DPYS: variants seen among roughly 807,000 people sequenced by gnomAD.
DPYS encodes the protein dihydropyrimidine amidohydrolase.
In DPYS, 39 loss-of-function variants were observed where a neutral mutation model predicts 50.3. The ratio of observed to expected loss-of-function variants is 0.78; its 90% CI spans 0.60 to 1.01. The LOEUF is 1.01. Ranked by LOEUF, DPYS falls within the 50% of genes least tolerant of loss-of-function variation. The pLI, the probability that DPYS is intolerant of heterozygous loss-of-function variation, is 0.00. For synonymous variants in DPYS, 245 were observed against 250.7 expected (o/e 0.98, Z 0.22); for missense variants, 659 against 680.9 (o/e 0.97, Z 0.36).
chr8:104,452,608 G>C (rs981010500), intron 1 of DPYS, among the ~76,000 whole-genome samples: 2 of 152,230 alleles, frequency 1.3e-5, no homozygotes, highest in Non-Finnish European at 2.9e-5. Flanking sequence ...CTAGGAGGCT[G>C]AGACGGGAGG....
At chr8:104,392,049 G>T (rs1216667166) in intron 8 of DPYS, among the ~76,000 whole-genome samples, 2 of 152,202 alleles carry the variant, frequency 1.3e-5, no homozygotes, top group African/African-American at 4.8e-5. Flanking sequence ...GCTAGGAAAT[G>T]GTGGCGAGGG....
At chr8:104,387,373 T>C (rs1811245719) in intron 8 of DPYS, among the ~76,000 whole-genome samples, 1 of 151,570 alleles carries the variant, frequency 6.6e-6, no homozygotes, top group African/African-American at 2.4e-5. Context: ...ACAAACAAAA[T>C]GCTGTGAGCT....
chr8:104,436,112 G>A (rs981958044), intron 4 of DPYS, among the ~76,000 whole-genome samples: 6 of 152,122 alleles, frequency 3.9e-5, no homozygotes, highest in Non-Finnish European at 7.4e-5. Context: ...TTAAACTGAA[G>A]CTGTCCAGTG....
At chr8:104,385,808 G>C (rs920808954) in intron 8 of DPYS, among the ~76,000 whole-genome samples, 6 of 152,130 alleles carry the variant, frequency 3.9e-5, no homozygotes, top group Non-Finnish European at 8.8e-5. Context: ...TTGCCCTTCT[G>C]CCATGTGATG....
chr8:104,426,655 G>A (rs1384529643), intron 6 of DPYS, among the ~76,000 whole-genome samples: 1 of 152,212 alleles, frequency 6.6e-6, no homozygotes, highest in Non-Finnish European at 1.5e-5. Context: ...CATCCTAGGA[G>A]ATGGGTGAAA....
intron 5 of DPYS, among the ~76,000 whole-genome samples, chr8:104,428,962 C>G (rs1416044277): frequency 6.6e-6 from 1 of 151,928 alleles, no homozygotes; most frequent in Non-Finnish European, 1.5e-5. Flanking sequence ...TCCCGAGTAA[C>G]TGGGATTACA....
At chr8:104,425,404 C>CA (rs1480863017) in intron 6 of DPYS, among the ~76,000 whole-genome samples, 1 of 151,806 alleles carries the variant, frequency 6.6e-6, no homozygotes, top group African/African-American at 2.4e-5. Flanking sequence ...CTTTTAATGG[C>CA]AAAAACTGCA....
intron 4 of DPYS, among the ~76,000 whole-genome samples, chr8:104,436,707 A>G (rs1469360173): frequency 6.6e-6 from 1 of 152,190 alleles, no homozygotes; most frequent in Non-Finnish European, 1.5e-5. Context: ...TTAAATTAAG[A>G]AGATAAGCTG....
At chr8:104,442,612 T>G (rs1398700954) in intron 4 of DPYS, among the ~76,000 whole-genome samples, 2 of 152,202 alleles carry the variant, frequency 1.3e-5, no homozygotes, top group Non-Finnish European at 2.9e-5. Flanking sequence ...AATGGTTGGT[T>G]AGTAAGATAT....
Position 104,381,246 on chromosome 8 carries a change from C to A in DPYS, c.1512G>T (p.Val504=). The A allele has an allele frequency of 6.2e-7, 1 of 1,614,148 alleles. No individual in the cohort carries two copies. Among genetic ancestry groups the A allele is most frequent in the South Asian group, 1.1e-5 (1 of 91,076 alleles). Residue 504 remains valine (V), a synonymous_variant, in exon 9 of 10, where the codon GTG becomes GTT. Coordinates refer to ENST00000351513, the MANE Select transcript of DPYS (RefSeq NM_001385.3). ...TCCCTGCTGTGGCATCTTCTTTTGT[C>A]ACTCTGGATTTCAGTGTGGCGACTT... is the stretch of plus-strand genomic sequence containing the variant. The part of the protein sequence containing the change: ...KGEVATLKSR[V]TKEDATAGTR...
intron 4 of DPYS, among the ~76,000 whole-genome samples, chr8:104,440,473 T>G (rs1813311888): frequency 1.3e-5 from 2 of 152,162 alleles, no homozygotes; most frequent in Non-Finnish European, 1.5e-5. Context: ...TCAAGGCCCT[T>G]GAAGACAGAA....
chr8:104,413,579 C>T (rs1476521551), intron 7 of DPYS, among the ~76,000 whole-genome samples: 3 of 151,964 alleles, frequency 2.0e-5, no homozygotes, highest in African/African-American at 7.3e-5. Flanking sequence ...AGACTTAAAA[C>T]ACAGAAACCA....
At chr8:104,441,627 G>C (rs1428750606) in intron 4 of DPYS, among the ~76,000 whole-genome samples, 1 of 152,220 alleles carries the variant, frequency 6.6e-6, no homozygotes, top group Non-Finnish European at 1.5e-5. Context: ...AGTAATTGGA[G>C]GGGCCTGGCA....
intron 2 of DPYS, among the ~76,000 whole-genome samples, chr8:104,449,519 A>G (rs1813657883): frequency 1.3e-5 from 2 of 152,216 alleles, no homozygotes; most frequent in South Asian, 2.1e-4. Flanking sequence ...ACCTACTGCT[A>G]TGGGTTGACT....
intron 1 of DPYS, among the ~76,000 whole-genome samples, chr8:104,461,162 G>A (rs1849444): frequency 0.29 from 43,435 of 149,782 alleles, 6,427 homozygotes; most frequent in Middle Eastern, 0.39. Context: ...GCATGGTGGC[G>A]TGCACCTGCA....
At chr8:104,409,481 A>G (rs898357690) in intron 7 of DPYS, among the ~76,000 whole-genome samples, 1 of 152,128 alleles carries the variant, frequency 6.6e-6, no homozygotes, top group Non-Finnish European at 1.5e-5. Context: ...AAATAAATTA[A>G]TTAATTAAAT....
At chr8:104,440,642 C>G (rs1206782830) in intron 4 of DPYS, among the ~76,000 whole-genome samples, 3 of 151,962 alleles carry the variant, frequency 2.0e-5, no homozygotes, top group Admixed American at 2.0e-4. Flanking sequence ...GCCTGTAATC[C>G]CAGCTACTCG....
chr8:104,390,586 C>T (rs1222999782), intron 8 of DPYS, among the ~76,000 whole-genome samples: 1 of 151,932 alleles, frequency 6.6e-6, no homozygotes, highest in African/African-American at 2.4e-5. Context: ...CAACCTCCAC[C>T]TCCCAGGTTC....
chr8:104,429,244 A>G lies in DPYS; in HGVS notation c.950+301T>C, dbSNP rs145296882. On this transcript the variant is annotated intron_variant, in intron 5 of 9. Coordinates refer to ENST00000351513, the MANE Select transcript of DPYS (RefSeq NM_001385.3). Reference sequence around the variant, plus strand: ...AAAAAATTCAACAATATTCTGATAAAAAGTAAGGTGTAATGAAGAGCCCTG... The same window carrying G: ...AAAAAATTCAACAATATTCTGATAAGAAGTAAGGTGTAATGAAGAGCCCTG... 1.2e-3 allele frequency: 437 copies of G among 370,736 alleles called. 2 individuals carry two copies. Among genetic ancestry groups the G allele is most frequent in the African/African-American group, 8.4e-3 (412 of 49,046 alleles). The allele number at this position is 370,736 out of a possible 1,614,324, so 23.0% of individuals were successfully genotyped here.
Sources: gnomAD v4.1 joint callset for allele counts (sites outside exome capture counted in the v4.1 genomes callset) on GRCh38, gnomAD v4.1.1 for gene constraint, MANE v1.5 for transcripts, NCBI Gene and HGNC (gene_info 2026-07-23, HGNC 2026-07-21) for gene names.